The following TSHZ2 variants were observed in gnomAD, a reference collection of about 807,000 sequenced individuals.
The protein encoded by TSHZ2 is teashirt homolog 2.
In TSHZ2, 21 loss-of-function variants were observed where a neutral mutation model predicts 74.4. That is an observed-to-expected ratio of 0.28 (90% CI 0.20 to 0.41). The LOEUF is 0.41. Ranked by LOEUF, TSHZ2 falls within the 10% of genes least tolerant of loss-of-function variation. The pLI is 1.00. For missense variants in TSHZ2, 1,244 were observed against 1,293.5 expected, an observed-to-expected ratio of 0.96 and a Z score of 0.59; for synonymous variants, 540 against 515.3, an observed-to-expected ratio of 1.05 and a Z score of -0.65.
At chr20:53,454,611 G>C (rs1051244785) in intron 2 of TSHZ2, among the ~76,000 whole-genome samples, 2 of 151,918 alleles carry the variant, frequency 1.3e-5, no homozygotes, top group African/African-American at 4.8e-5. Context: ...TGTTAATGTG[G>C]CTGTCCCTTT....
At chr20:53,203,903 A>G (rs1406660957) in intron 1 of TSHZ2, among the ~76,000 whole-genome samples, 2 of 152,006 alleles carry the variant, frequency 1.3e-5, no homozygotes, top group East Asian at 1.9e-4. Flanking sequence ...ACATGGGGCT[A>G]CTAAGCCCTT....
intron 1 of TSHZ2, among the ~76,000 whole-genome samples, chr20:53,189,120 A>G (rs1469879041): frequency 6.6e-6 from 1 of 152,216 alleles, no homozygotes; most frequent in Non-Finnish European, 1.5e-5. Flanking sequence ...TACAAATGTA[A>G]CGAGAAAAAC....
intron 2 of TSHZ2, among the ~76,000 whole-genome samples, chr20:53,343,808 A>G (rs1980320401): frequency 6.6e-6 from 1 of 152,202 alleles, no homozygotes; most frequent in African/African-American, 2.4e-5. Flanking sequence ...CCTTTCTAAC[A>G]GGCTGGGCCC....
At chr20:52,989,572 T>C (rs538898743) in intron 1 of TSHZ2, among the ~76,000 whole-genome samples, 5 of 152,196 alleles carry the variant, frequency 3.3e-5, no homozygotes, top group African/African-American at 1.2e-4. Flanking sequence ...AAAATAGGCA[T>C]AAGGAGAGTT....
chr20:53,069,469 G>T (rs1465414465), intron 1 of TSHZ2, among the ~76,000 whole-genome samples: 14 of 151,850 alleles, frequency 9.2e-5, no homozygotes, highest in Admixed American at 9.2e-4. Context: ...AAATATCGAG[G>T]TTTTACTTTA....
chr20:53,280,664 T>TG (rs1555845527), intron 2 of TSHZ2, among the ~76,000 whole-genome samples: 8,031 of 143,184 alleles, frequency 0.056, 362 homozygotes, highest in Admixed American at 0.12. Flanking sequence ...TTTGTTTGTT[T>TG]TTTGTTGTTG....
intron 1 of TSHZ2, among the ~76,000 whole-genome samples, chr20:53,089,278 A>G (rs1421864952): frequency 1.3e-5 from 2 of 150,686 alleles, no homozygotes; most frequent in Non-Finnish European, 2.9e-5. Flanking sequence ...TCTTAAGTGA[A>G]CTTGTTTAAC....
At chr20:53,434,122 G>C (rs1186081978) in intron 2 of TSHZ2, among the ~76,000 whole-genome samples, 1 of 152,016 alleles carries the variant, frequency 6.6e-6, no homozygotes, top group Non-Finnish European at 1.5e-5. Flanking sequence ...TTGCCTACTC[G>C]GCCTCCCAAA....
rs919660879 is a variant in TSHZ2 at position 53,426,018 on chromosome 20, C to A, written c.*9-61126C>A. Among the ~76,000 whole-genome samples the A allele has an allele frequency of 9.9e-5, 15 of 152,216 alleles. No homozygotes were observed. In the Middle Eastern group the frequency reaches 0.014, roughly 138 times the overall value. ...CGATATTGGGAACTCAGTTCAGTTA[C>A]CACTATAGGAATTAATCTACCAATA... On this transcript the variant is annotated intron_variant, in intron 2 of 2. Coordinates refer to ENST00000371497, the MANE Select transcript of TSHZ2 (RefSeq NM_173485.6).
At chr20:52,974,107 C>T (rs1241288669) in intron 1 of TSHZ2, among the ~76,000 whole-genome samples, 2 of 152,132 alleles carry the variant, frequency 1.3e-5, no homozygotes, top group African/African-American at 4.8e-5. Flanking sequence ...GTTAATGGAT[C>T]AGTACAATAG....
At chr20:53,204,100 T>TATACTATTATATCATCATATG (rs1421465419) in intron 1 of TSHZ2, among the ~76,000 whole-genome samples, 1,173 of 99,832 alleles carry the variant, frequency 0.012, 404 homozygotes, top group Middle Eastern at 0.037. Flanking sequence ...CATATGATGA[T>TATACTATTATATCATCATATG]ATGATATACT....
At chr20:53,484,403 T>G (rs899348338) in intron 2 of TSHZ2, among the ~76,000 whole-genome samples, 13 of 131,960 alleles carry the variant, frequency 9.9e-5, no homozygotes, top group East Asian at 2.4e-4. Flanking sequence ...TTTTTTTTTT[T>G]AAGACAGAGT....
chr20:53,188,280 C>T (rs1988648491), intron 1 of TSHZ2, among the ~76,000 whole-genome samples: 1 of 152,210 alleles, frequency 6.6e-6, no homozygotes, highest in Non-Finnish European at 1.5e-5. Flanking sequence ...TCCCCCAGCT[C>T]TACAGCCGAG....
chr20:53,312,093 ATT>A (rs1335379175), intron 2 of TSHZ2, among the ~76,000 whole-genome samples: 3 of 152,072 alleles, frequency 2.0e-5, no homozygotes, highest in Non-Finnish European at 4.4e-5. Flanking sequence ...AAAAATAAAA[ATT>A]TTTTTAAAAA....
rs991504492 is a variant in TSHZ2, at chr20:53,266,816, C to T, written c.*8+10245C>T. ...TTTTTGAGACAGAGCCTCACTCTGT[C>T]GCCCAGGCTGGAGTGCAGTGGCACG... On this transcript the variant is annotated intron_variant, in intron 2 of 2. Coordinates refer to ENST00000371497, the MANE Select transcript of TSHZ2 (RefSeq NM_173485.6). Among the ~76,000 whole-genome samples, 17 of 143,240 alleles carry T rather than the reference C, an allele frequency of 1.2e-4. No homozygotes were observed. In the South Asian group the frequency reaches 1.8e-3, roughly 15 times the overall value. 94.0% of individuals were successfully genotyped at this position (143,240 alleles called of 152,430 possible).
rs756991979 is a variant in TSHZ2 at position 53,255,977 on chromosome 20, A to G, written c.2519A>G (p.Lys840Arg). Residue 840 changes from lysine to arginine, a missense_variant, in exon 2 of 3, where the codon AAA (lysine) becomes AGA (arginine). Lys to Arg is a conservative substitution (Grantham distance 26). Around this residue, in one of 6 missense-constraint regions of TSHZ2, gnomAD observed 562 missense variants for 544.0 expected, o/e 1.03. Coordinates refer to ENST00000371497, the MANE Select transcript of TSHZ2 (RefSeq NM_173485.6). This position sits in a 1 kb window ranked among gnomAD's most constrained non-coding sequence, Gnocchi z 4.1. ...DVSSEVSTLH[K>R]RKGRQSNWNP... ...TCCAGTGAAGTCTCAACTTTGCATA[A>G]AAGAAAAGGCCGGCAGTCCAACTGG... The G allele has an allele frequency of 5.6e-6, 9 of 1,613,812 alleles. No individual in the cohort carries two copies. The highest frequency in any genetic ancestry group is 1.7e-5 in the Admixed American group (1 of 60,002).
chr20:53,050,128 C>CATATATATATGTGTATAT (rs1568736288), intron 1 of TSHZ2, among the ~76,000 whole-genome samples: 4 of 74,130 alleles, frequency 5.4e-5, no homozygotes, highest in African/African-American at 5.3e-4. Context: ...TATATATACA[C>CATATATATATGTGTATAT]ATATATATAT....
chr20:53,205,812 T>A (rs1989154084), intron 1 of TSHZ2, among the ~76,000 whole-genome samples: 2 of 152,326 alleles, frequency 1.3e-5, no homozygotes, highest in Middle Eastern at 3.4e-3. Flanking sequence ...ATCAGTGCAG[T>A]GTGAGCTTTA....
intron 1 of TSHZ2, among the ~76,000 whole-genome samples, chr20:52,994,796 T>G (rs190399620): frequency 6.6e-6 from 1 of 152,328 alleles, no homozygotes; most frequent in Non-Finnish European, 1.5e-5. Context: ...TTGGTTTCCC[T>G]GTGTCTCCTT....
Sources: gnomAD v4.1 joint callset for allele counts (sites outside exome capture counted in the v4.1 genomes callset) on GRCh38, gnomAD v4.1.1 for gene constraint, gnomAD v4.1.1 regional missense constraint, Gnocchi (gnomAD v3.1) non-coding constraint, MANE v1.5 for transcripts, NCBI Gene and HGNC (gene_info 2026-07-23, HGNC 2026-07-21) for gene names.